AGBL1: variants seen among roughly 807,000 people sequenced by gnomAD.
The protein encoded by AGBL1 is AGBL carboxypeptidase 1, also known as cytosolic carboxypeptidase 4.
A neutral mutation model predicts 118.9 loss-of-function variants in AGBL1; 130 were observed. The observed-to-expected ratio is 1.09, with a 90% CI of 0.95 to 1.26. The LOEUF (loss-of-function observed/expected upper bound fraction) is 1.26. Ranked by LOEUF, AGBL1 falls within the 50% of genes most tolerant of loss-of-function variation. The pLI is 0.00. For synonymous variants in AGBL1, 555 were observed against 478.9 expected (o/e 1.16, Z -2.08); for missense variants, 1,584 against 1,298.1 (o/e 1.22, Z -3.38).
At chr15:86,702,962 C>T (rs2086386018) in intron 22 of AGBL1, among the ~76,000 whole-genome samples, 1 of 152,084 alleles carries the variant, frequency 6.6e-6, no homozygotes, top group South Asian at 2.1e-4. Flanking sequence ...CCCTGGGACA[C>T]TTCAACTTTT....
chr15:86,235,101 G>A (rs933193866), intron 6 of AGBL1, among the ~76,000 whole-genome samples: 6 of 152,132 alleles, frequency 3.9e-5, no homozygotes, highest in Admixed American at 6.5e-5. Context: ...ATATAAAGAA[G>A]TGAAAAACTT....
intron 22 of AGBL1, among the ~76,000 whole-genome samples, chr15:86,749,008 C>T (rs2077804133): frequency 6.6e-6 from 1 of 151,928 alleles, no homozygotes; most frequent in African/African-American, 2.4e-5. Context: ...TTTTTGGTTC[C>T]ATATGAACTT....
rs190985687 is a variant in AGBL1 at position 87,026,824 on chromosome 15, T to C, written c.3324-2001T>C. 1.8e-4 allele frequency among the ~76,000 whole-genome samples: 28 copies of C among 152,144 alleles called. 1 individual carries two copies. In the South Asian group the frequency reaches 2.1e-3, roughly 11 times the overall value. ...CTCAGCCATAAAAAGGAATGAATTATTGGCATTCGCAGCAACCTGGAGGAG... is the reference window on the plus strand; with the variant it reads ...CTCAGCCATAAAAAGGAATGAATTACTGGCATTCGCAGCAACCTGGAGGAG... On this transcript the variant is annotated intron_variant, in intron 24 of 24. Transcript: ENST00000441037.
At chr15:86,564,686 A>G (rs1390107772) in intron 21 of AGBL1, among the ~76,000 whole-genome samples, 1 of 152,184 alleles carries the variant, frequency 6.6e-6, no homozygotes, top group Non-Finnish European at 1.5e-5. Context: ...CTGCCTTGCT[A>G]GGTTGGGGAA....
intron 22 of AGBL1, among the ~76,000 whole-genome samples, chr15:86,781,947 C>G (rs371879849): frequency 5.9e-5 from 9 of 151,398 alleles, no homozygotes; most frequent in Admixed American, 1.3e-4. Context: ...TACTTTTTAT[C>G]GAGAAGTTTC....
chr15:86,793,498 G>A (rs1190017398), intron 22 of AGBL1, among the ~76,000 whole-genome samples: 5 of 152,064 alleles, frequency 3.3e-5, no homozygotes, highest in Admixed American at 1.3e-4. Flanking sequence ...ACCTAAGAGT[G>A]AAAACTATAT....
intron 17 of AGBL1, among the ~76,000 whole-genome samples, chr15:86,332,263 G>A (rs2080282529): frequency 6.6e-6 from 1 of 152,118 alleles, no homozygotes; most frequent in Admixed American, 6.5e-5. Context: ...AAGTACTTCT[G>A]AACCTATGAA....
intron 22 of AGBL1, among the ~76,000 whole-genome samples, chr15:86,790,380 G>GCACACA (rs142594712): frequency 1.4e-5 from 2 of 147,682 alleles, no homozygotes; most frequent in Non-Finnish European, 3.0e-5. Context: ...ATGCACGCAC[G>GCACACA]CACACACACA....
rs1704707987 is a variant in AGBL1 at position 86,506,804 on chromosome 15, G to A, written c.2556-16006G>A. On this transcript the variant is annotated intron_variant, in intron 18 of 22. Transcript: ENST00000614907. Reference sequence around the variant, plus strand: ...AAGGATTGACATTGAATAAATAAATGTGTACATTTTATTTCCTCAAGATTT... The same window carrying A: ...AAGGATTGACATTGAATAAATAAATATGTACATTTTATTTCCTCAAGATTT... Among the ~76,000 whole-genome samples the A allele has an allele frequency of 2.0e-5, 3 of 152,016 alleles. No individual in the cohort carries two copies. In the South Asian group the frequency reaches 6.2e-4, roughly 32 times the overall value.
intron 3 of AGBL1, among the ~76,000 whole-genome samples, chr15:86,148,191 C>T (rs977205511): frequency 1.5e-4 from 23 of 152,160 alleles, no homozygotes; most frequent in African/African-American, 5.5e-4. Context: ...AGCAGAAAAG[C>T]TGAAAATTCT....
intron 22 of AGBL1, among the ~76,000 whole-genome samples, chr15:86,901,695 A>C (rs191324395): frequency 5.5e-4 from 83 of 152,268 alleles, no homozygotes; most frequent in African/African-American, 1.9e-3. Flanking sequence ...AAAAATTTTT[A>C]ATAATTGAAT....
At chr15:86,231,118 C>G (rs1033974415) in intron 6 of AGBL1, among the ~76,000 whole-genome samples, 11 of 152,246 alleles carry the variant, frequency 7.2e-5, no homozygotes, top group South Asian at 2.1e-4. Flanking sequence ...GAGAACTAAC[C>G]ATACTGTAAT....
intron 23 of AGBL1, among the ~76,000 whole-genome samples, chr15:86,925,194 G>GAA (rs1354600161): frequency 2.9e-5 from 3 of 101,780 alleles, no homozygotes; most frequent in Admixed American, 9.6e-5. Context: ...AGGAAGAAAA[G>GAA]AAGAAAAGAA....
intron 18 of AGBL1, among the ~76,000 whole-genome samples, chr15:86,438,635 G>T (rs909600857): frequency 6.7e-6 from 1 of 149,450 alleles, no homozygotes; most frequent in East Asian, 2.0e-4. Flanking sequence ...ATCTAAATTC[G>T]TATATAACTG....
chr15:86,641,429 GC>G (rs1319153203), intron 21 of AGBL1, among the ~76,000 whole-genome samples: 1 of 151,332 alleles, frequency 6.6e-6, no homozygotes, highest in African/African-American at 2.4e-5. Context: ...AAAAAGCAGT[GC>G]CGGTAGTTAC....
chr15:86,247,080 C>G (rs2078732864), intron 6 of AGBL1, among the ~76,000 whole-genome samples: 1 of 152,152 alleles, frequency 6.6e-6, no homozygotes, highest in African/African-American at 2.4e-5. Context: ...TACATAACCC[C>G]AGTTTATCAA....
At chr15:86,986,304 A>G (rs1031267199) in intron 23 of AGBL1, among the ~76,000 whole-genome samples, 1 of 152,234 alleles carries the variant, frequency 6.6e-6, no homozygotes, top group Non-Finnish European at 1.5e-5. Flanking sequence ...GGTAAATTTT[A>G]TAAAAATCAA....
rs2080295861 is a variant in AGBL1, at chr15:86,907,432, T to C, written c.*138T>C. Reference sequence around the variant, plus strand: ...AGCCTGTGTGAGCTCAGCAACCCCATTTCCAGATTTTGTTCTAGTTTCCCT... The same window carrying C: ...AGCCTGTGTGAGCTCAGCAACCCCACTTCCAGATTTTGTTCTAGTTTCCCT... On this transcript the variant is annotated 3_prime_UTR_variant, in exon 23 of 23. Coordinates refer to ENST00000614907, the MANE Select transcript of AGBL1 (RefSeq NM_001386094.1). 1 of 152,252 alleles carries C rather than the reference T, an allele frequency of 6.6e-6. No homozygotes were observed. The highest frequency in any genetic ancestry group is 2.1e-4 in the South Asian group (1 of 4,826). 9.4% of individuals were successfully genotyped at this position (152,252 alleles called of 1,614,324 possible).
intron 17 of AGBL1, among the ~76,000 whole-genome samples, chr15:86,370,366 A>G: frequency 7.0e-6 from 1 of 142,888 alleles, no homozygotes. Flanking sequence ...GTGCAATGGC[A>G]TGATCTCGGC....
Sources: gnomAD v4.1 joint callset for allele counts (sites outside exome capture counted in the v4.1 genomes callset) on GRCh38, gnomAD v4.1.1 for gene constraint, MANE v1.5 for transcripts, NCBI Gene and HGNC (gene_info 2026-07-23, HGNC 2026-07-21) for gene names.